SP100: variants seen among roughly 807,000 people sequenced by gnomAD.
SP100 encodes the protein SP100 nuclear body protein.
SP100 carries 84 observed loss-of-function variants against 130.0 expected under a neutral mutation model. The observed-to-expected ratio is 0.65, with a 90% CI of 0.54 to 0.77. SP100 has a LOEUF of 0.77. SP100 is among the 30% of genes least tolerant of loss of function. The probability of loss-of-function intolerance (pLI) is 0.00; values close to 1 mark genes in which losing one functional copy is unlikely to be tolerated. For missense variants in SP100, 978 were observed against 1,052.2 expected, an observed-to-expected ratio of 0.93 and a Z score of 0.97; for synonymous variants, 331 against 351.7, an observed-to-expected ratio of 0.94 and a Z score of 0.66.
At position 230,498,520 on chromosome 2, in the gene SP100, A is replaced by C. The variant is rs777542002; in HGVS notation, c.1705A>C (p.Arg569=). 53 of 1,498,472 alleles carry C rather than the reference A, an allele frequency of 3.5e-5. No homozygotes were observed. The highest frequency in any genetic ancestry group is 4.3e-5 in the Non-Finnish European group (49 of 1,130,492). 92.8% of individuals were successfully genotyped at this position (1,498,472 alleles called of 1,614,324 possible). A position where few individuals can be genotyped will look rare whatever the true frequency, so the allele number is the denominator to read the frequency against. ...LTLNNKVQKK[R]WQQRGRKANT... ...TCTGAATAACAAAGTCCAAAAGAAA[A>C]GATGGCAACAAAGAGGTAAAAAAAA... is the stretch of plus-strand genomic sequence containing the variant. Residue 569 remains arginine (R), a synonymous_variant, in exon 19 of 29, where the codon AGA becomes CGA. Coordinates refer to ENST00000340126, the MANE Select transcript of SP100 (RefSeq NM_001080391.2).
chr2:230,429,137 A>G (rs2063025140), intron 2 of SP100, among the ~76,000 whole-genome samples: 1 of 152,204 alleles, frequency 6.6e-6, no homozygotes. Flanking sequence ...AGACAGGTCT[A>G]GTGATGATGG....
At chr2:230,445,905 A>G (rs999888) in intron 4 of SP100, among the ~76,000 whole-genome samples, 42,271 of 151,688 alleles carry the variant, frequency 0.28, 6,950 homozygotes, top group Non-Finnish European at 0.38. Flanking sequence ...GGACAGCACC[A>G]CCCACCGCCC....
intron 24 of SP100, among the ~76,000 whole-genome samples, chr2:230,514,806 C>T (rs548395085): frequency 6.6e-6 from 1 of 152,288 alleles, no homozygotes; most frequent in South Asian, 2.1e-4. Context: ...ATTGTGTCTG[C>T]ACTACTTGTA....
intron 24 of SP100, among the ~76,000 whole-genome samples, chr2:230,518,884 C>A (rs534126512): frequency 7.6e-4 from 116 of 152,258 alleles, no homozygotes; most frequent in African/African-American, 2.7e-3. Flanking sequence ...TTATTCAAGT[C>A]ATGTGAACTT....
chr2:230,478,383 G>A (rs1407457082), intron 17 of SP100, among the ~76,000 whole-genome samples: 2 of 152,170 alleles, frequency 1.3e-5, no homozygotes, highest in African/African-American at 4.8e-5. Context: ...ATGAGAAGTG[G>A]CAGTAATTTT....
At chr2:230,515,916 A>G in intron 24 of SP100, 1 of 1,129,386 alleles carries the variant, frequency 8.9e-7, no homozygotes, top group Non-Finnish European at 1.1e-6. Context: ...CACAGCACAA[A>G]TTAGTTGTAT....
intron 8 of SP100, among the ~76,000 whole-genome samples, chr2:230,458,737 G>A (rs1361061794): frequency 1.3e-5 from 2 of 152,110 alleles, no homozygotes. Flanking sequence ...AATGGCACTG[G>A]AAGAGACCTT....
At chr2:230,523,492 C>A (rs1482053182) in intron 24 of SP100, among the ~76,000 whole-genome samples, 2 of 152,064 alleles carry the variant, frequency 1.3e-5, no homozygotes, top group African/African-American at 2.4e-5. Context: ...CATGGTGGAA[C>A]CCCATCTCTA....
intron 17 of SP100, among the ~76,000 whole-genome samples, chr2:230,478,481 G>C (rs558573080): frequency 6.6e-6 from 1 of 152,144 alleles, no homozygotes; most frequent in African/African-American, 2.4e-5. Flanking sequence ...AATCAGTAAC[G>C]GTTATGAAAA....
At chr2:230,484,290 C>G (rs768865489) in intron 17 of SP100, among the ~76,000 whole-genome samples, 3 of 152,206 alleles carry the variant, frequency 2.0e-5, no homozygotes, top group Non-Finnish European at 4.4e-5. Context: ...TGCATGTCTG[C>G]AAATGACCAG....
intron 24 of SP100, among the ~76,000 whole-genome samples, chr2:230,512,201 C>G (rs1284995703): frequency 2.0e-5 from 3 of 149,086 alleles, no homozygotes; most frequent in Non-Finnish European, 3.0e-5. Flanking sequence ...TCTTAAAAGC[C>G]AAATGTGAGG....
At chr2:230,484,428 A>G (rs570916394) in intron 17 of SP100, among the ~76,000 whole-genome samples, 38 of 152,330 alleles carry the variant, frequency 2.5e-4, no homozygotes, top group African/African-American at 8.4e-4. Context: ...TTAAAAATCT[A>G]TTGGTACTTT....
At chr2:230,418,318 T>C (rs2062674510) in intron 2 of SP100, among the ~76,000 whole-genome samples, 3 of 152,224 alleles carry the variant, frequency 2.0e-5, no homozygotes, top group Admixed American at 2.0e-4. Context: ...GTGTTTATTT[T>C]TGAGGAGGGA....
chr2:230,536,501 C>T (rs1020537525), intron 24 of SP100, among the ~76,000 whole-genome samples: 1 of 152,172 alleles, frequency 6.6e-6, no homozygotes, highest in African/African-American at 2.4e-5. Flanking sequence ...CAGACCCCCA[C>T]ATAACATCAA....
intron 2 of SP100, among the ~76,000 whole-genome samples, chr2:230,428,446 CTTTT>C (rs556816962): frequency 6.9e-6 from 1 of 145,122 alleles, no homozygotes. Context: ...GTGCTACACA[CTTTT>C]TTTTTTTTTT....
At chr2:230,477,687 C>A (rs138779111) in intron 17 of SP100, among the ~76,000 whole-genome samples, 1 of 152,226 alleles carries the variant, frequency 6.6e-6, no homozygotes, top group East Asian at 1.9e-4. Context: ...GTAGAACCAT[C>A]CTGATGCTTC....
chr2:230,440,967 AT>A (rs2063447768), intron 2 of SP100, among the ~76,000 whole-genome samples: 2 of 152,262 alleles, frequency 1.3e-5, no homozygotes, highest in African/African-American at 4.8e-5. Flanking sequence ...AGAAAAAAAA[AT>A]AAATTGGATT....
chr2:230,449,009 A>G (rs1575625372), intron 5 of SP100, 79 bp from the exon 6 acceptor site: 1 of 910,622 alleles, frequency 1.1e-6, no homozygotes, highest in East Asian at 2.4e-5. Flanking sequence ...TACGTTACAG[A>G]GACCAAAAAG....
chr2:230,510,775 A>T, intron 23 of SP100: 1 of 317,712 alleles, frequency 3.1e-6, no homozygotes, highest in Non-Finnish European at 5.9e-6. Context: ...GATTACAGGC[A>T]TGAGCCACTG....
Sources: allele counts gnomAD v4.1 joint callset (sites outside exome capture counted in the v4.1 genomes callset), GRCh38; gene constraint gnomAD v4.1.1; transcripts MANE v1.5; gene names NCBI Gene and HGNC (gene_info 2026-07-23, HGNC 2026-07-21).